The following TG variants were observed in gnomAD, a reference collection of about 807,000 sequenced individuals.
TG encodes thyroid hormones.
TG carries 270 observed loss-of-function variants against 324.7 expected under a neutral mutation model. The observed-to-expected ratio is 0.83, with a 90% CI of 0.75 to 0.92. The LOEUF (loss-of-function observed/expected upper bound fraction) is 0.92, where lower values mean the gene tolerates loss of function less well. Among genes scored for constraint, TG ranks in the 40% least tolerant of loss-of-function variants. TG has a pLI of 0.00. For synonymous variants in TG, 1,401 were observed against 1,327.0 expected (o/e 1.06, Z -1.21); for missense variants, 3,591 against 3,456.4 (o/e 1.04, Z -0.98).
Position 132,966,585 on chromosome 8 carries a change from T to C in TG, c.5574T>C (p.Pro1858=). The C allele has an allele frequency of 6.2e-7, 1 of 1,614,124 alleles. No homozygotes were observed. ...GTTTGACAACAGAACTTTTCTCCCCTGTGGACCTCAACCAGGTCATTGTCA... is the reference window on the plus strand; with the variant it reads ...GTTTGACAACAGAACTTTTCTCCCCCGTGGACCTCAACCAGGTCATTGTCA... ...EAGLTTELFS[P]VDLNQVIVNG... is the part of the protein sequence containing the mutation. Residue 1858 remains proline (P), a synonymous_variant, in exon 30 of 48, where the codon CCT becomes CCC. Transcript: ENST00000220616.
chr8:132,898,556 G>A (rs1007252653), intron 13 of TG, among the ~76,000 whole-genome samples: 4 of 152,154 alleles, frequency 2.6e-5, no homozygotes, highest in African/African-American at 4.8e-5. Context: ...CAACCGCCTC[G>A]CCTCTGAACC....
chr8:132,991,841 A>G lies in TG; in HGVS notation c.6262+8429A>G, dbSNP rs138956912. ...GAGTATGGTCTGGGCACAGCCTCACATCTGGCAGCCCCCTGGACCTCTTCT... is the reference window on the plus strand; with the variant it reads ...GAGTATGGTCTGGGCACAGCCTCACGTCTGGCAGCCCCCTGGACCTCTTCT... On this transcript the variant is annotated intron_variant, in intron 35 of 47. Coordinates refer to ENST00000220616, the MANE Select transcript of TG (RefSeq NM_003235.5). Among the ~76,000 whole-genome samples the G allele has an allele frequency of 2.6e-4, 40 of 152,260 alleles. 1 individual carries two copies. Among genetic ancestry groups the G allele is most frequent in the African/African-American group, 9.6e-4 (40 of 41,544 alleles).
intron 46 of TG, 22 bp from the exon 47 acceptor site, chr8:133,133,448 T>C: frequency 6.2e-7 from 1 of 1,612,074 alleles, no homozygotes; most frequent in Non-Finnish European, 8.5e-7. Flanking sequence ...TCATGGATAT[T>C]TCTTTCTTCT....
intron 46 of TG, 170 bp from the exon 47 acceptor site, chr8:133,133,300 A>G: frequency 1.4e-6 from 1 of 713,574 alleles, no homozygotes; most frequent in Admixed American, 2.1e-5. Context: ...TTTGCAGTGC[A>G]GTCAAGATCA....
chr8:132,947,950 C>G (rs921271738), intron 26 of TG, among the ~76,000 whole-genome samples: 2 of 152,168 alleles, frequency 1.3e-5, no homozygotes, highest in Non-Finnish European at 2.9e-5. Context: ...TGATGCTAAA[C>G]AAAGTCATAA....
At chr8:133,049,094 C>T (rs1466824374) in intron 41 of TG, 3 of 452,758 alleles carry the variant, frequency 6.6e-6, no homozygotes, top group Non-Finnish European at 1.3e-5. Flanking sequence ...TTACAGGACC[C>T]TCACATGGAA....
intron 41 of TG, among the ~76,000 whole-genome samples, chr8:133,057,976 G>A (rs1841766031): frequency 6.6e-6 from 1 of 152,130 alleles, no homozygotes; most frequent in Non-Finnish European, 1.5e-5. Context: ...AGCTAATGTG[G>A]GAGCTGGCTC....
At chr8:133,117,820 C>T (rs562922723) in intron 45 of TG, among the ~76,000 whole-genome samples, 11 of 152,314 alleles carry the variant, frequency 7.2e-5, no homozygotes, top group African/African-American at 2.6e-4. Flanking sequence ...CAACAGGGAG[C>T]TGGGTGAAAG....
intron 45 of TG, among the ~76,000 whole-genome samples, chr8:133,120,569 G>A (rs1459952000): frequency 6.6e-6 from 1 of 152,168 alleles, no homozygotes; most frequent in Non-Finnish European, 1.5e-5. Context: ...GGCCTAAGGC[G>A]ATTCTTGGCT....
Position 132,877,152 on chromosome 8 carries a change from A to C in TG, c.638+3931A>C, listed in dbSNP as rs182063183. Among the ~76,000 whole-genome samples, 649 of 151,850 alleles carry C rather than the reference A, an allele frequency of 4.3e-3. 2 individuals are homozygous for C. The highest frequency in any genetic ancestry group is 0.01 in the Middle Eastern group (3 of 294). On this transcript the variant is annotated intron_variant, in intron 5 of 47. Coordinates refer to ENST00000220616, the MANE Select transcript of TG (RefSeq NM_003235.5). ...CTCTTATTTTATTTTATTTTATTTT[A>C]TTTTTGAGACAGAGTCTTACTTTGT...
intron 36 of TG, among the ~76,000 whole-genome samples, chr8:133,012,754 A>C (rs1196915863): frequency 6.6e-6 from 1 of 152,250 alleles, no homozygotes; most frequent in East Asian, 1.9e-4. Flanking sequence ...CCATGTACAG[A>C]TATGCAGGTT....
In TG at chr8:133,017,873, A is replaced by G; in HGVS notation, c.6658A>G (p.Thr2220Ala). ...CAGGTCCCAGGCCATCCAGGTGGGT[A>G]CCTCATGGAAGCAAGTGGACCAGTT... ...LGRSQAIQVGTSWKQVDQFLG... is the reference protein window; with the variant it reads ...LGRSQAIQVGASWKQVDQFLG... The change falls in exon 38 of 48, where the codon ACC becomes GCC. Residue 2220 changes from threonine (T) to alanine (A), a missense_variant. Coordinates refer to ENST00000220616, the MANE Select transcript of TG (RefSeq NM_003235.5). 6.2e-7 allele frequency: 1 copy of G among 1,614,082 alleles called. No individual in the cohort carries two copies. The highest frequency in any genetic ancestry group is 1.1e-5 in the South Asian group (1 of 91,084).
chr8:133,095,047 G>A lies in TG; in HGVS notation c.7243G>A (p.Gly2415Ser), dbSNP rs769050898. The A allele has an allele frequency of 5.0e-6, 8 of 1,613,358 alleles. No individual in the cohort carries two copies. The highest frequency in any genetic ancestry group is 6.8e-6 in the Non-Finnish European group (8 of 1,180,020). Residue 2415 changes from glycine (G) to serine (S), a missense_variant, in exon 42 of 48, where the codon GGC (glycine) becomes AGC (serine). Gly to Ser is a moderately conservative substitution (Grantham distance 56). Coordinates refer to ENST00000220616, the MANE Select transcript of TG (RefSeq NM_003235.5). ...QLFRRAVLMG[G>S]SALSPAAVIS... The stretch of plus-strand genomic sequence containing the variant: ...CTGAGCCTGCTTTCTCTTCCAGGGA[G>A]GCTCCGCACTCTCCCCGGCCGCCGT...
At chr8:132,955,860 C>A (rs964724847) in intron 27 of TG, among the ~76,000 whole-genome samples, 1 of 152,228 alleles carries the variant, frequency 6.6e-6, no homozygotes, top group Non-Finnish European at 1.5e-5. Flanking sequence ...TGAATAAAGA[C>A]CACGTCACAC....
rs567029749 is a variant in TG, at chr8:132,983,321, G to T, written c.6200-29G>T. 6.8e-5 allele frequency: 109 copies of T among 1,612,548 alleles called. 1 individual carries two copies. In the South Asian group the frequency reaches 1.2e-3, roughly 17 times the overall value. ...TCGATGATACCATGGGGGTAGAAAA[G>T]AACTGAAAGACTGCTTTTTCCTTTT... On this transcript the variant is annotated intron_variant, in intron 34 of 47. Transcript: ENST00000220616.
chr8:132,887,528 C>T lies in TG; in HGVS notation c.2156C>T (p.Ala719Val). ...EGQAIPGTRS[A>V]IGKPKKCPTP... ...CAGGCCATTCCTGGAACTCGAAGTGCAATAGGGAAGCCCAAGAAATGTAAG... is the reference window on the plus strand; with the variant it reads ...CAGGCCATTCCTGGAACTCGAAGTGTAATAGGGAAGCCCAAGAAATGTAAG... Residue 719 changes from alanine to valine, a missense_variant, in exon 9 of 48, where the codon GCA becomes GTA. Physicochemically the swap from Ala to Val is moderately conservative, Grantham distance 64 (BLOSUM62 0). Transcript: ENST00000220616. 6.2e-7 allele frequency: 1 copy of T among 1,614,160 alleles called. No individual in the cohort carries two copies. The highest frequency in any genetic ancestry group is 8.5e-7 in the Non-Finnish European group (1 of 1,180,042).
intron 13 of TG, 56 bp downstream of exon 13, chr8:132,898,302 C>A: frequency 6.6e-7 from 1 of 1,513,334 alleles, no homozygotes; most frequent in Non-Finnish European, 9.0e-7. Context: ...CATCACTGGT[C>A]TAGTCAGCTG....
chr8:132,994,013 G>T (rs1398879938), intron 35 of TG, among the ~76,000 whole-genome samples: 4 of 152,172 alleles, frequency 2.6e-5, no homozygotes, highest in Non-Finnish European at 5.9e-5. Context: ...GCTGGCGTTT[G>T]GTACTGCCCT....
intron 35 of TG, chr8:132,994,574 G>A: frequency 1.5e-6 from 1 of 663,284 alleles, no homozygotes; most frequent in South Asian, 2.0e-5. Context: ...GTTACAAGTG[G>A]CTAGTGCTAC....
Sources: allele counts gnomAD v4.1 joint callset (sites outside exome capture counted in the v4.1 genomes callset), GRCh38; gene constraint gnomAD v4.1.1; transcripts MANE v1.5; gene names NCBI Gene and HGNC (gene_info 2026-07-23, HGNC 2026-07-21).